HIKESHI: variants seen among roughly 807,000 people sequenced by gnomAD.
HIKESHI encodes the protein heat shock protein nuclear import factor hikeshi.
HIKESHI carries 13 observed loss-of-function variants against 25.7 expected under a neutral mutation model. That is an observed-to-expected ratio of 0.51 (90% CI 0.33 to 0.80). The LOEUF (loss-of-function observed/expected upper bound fraction) is 0.80. Ranked by LOEUF, HIKESHI falls within the 30% of genes least tolerant of loss-of-function variation. The pLI is 0.02. For missense variants in HIKESHI, 174 were observed against 229.5 expected (o/e 0.76, Z 1.56); for synonymous variants, 76 against 78.7 (o/e 0.97, Z 0.18).
At chr11:86,332,381 T>A (rs965586734) in intron 2 of HIKESHI, among the ~76,000 whole-genome samples, 1 of 152,144 alleles carries the variant, frequency 6.6e-6, no homozygotes, top group Non-Finnish European at 1.5e-5. Context: ...ATTAGAAGGA[T>A]TGGTACTTCA....
At chr11:86,332,142 T>G (rs1947443804) in intron 2 of HIKESHI, among the ~76,000 whole-genome samples, 1 of 152,048 alleles carries the variant, frequency 6.6e-6, no homozygotes, top group African/African-American at 2.4e-5. Flanking sequence ...TTTTTATTTT[T>G]TTTAGTAGAG....
chr11:86,309,340 C>G (rs953682296), intron 2 of HIKESHI, among the ~76,000 whole-genome samples: 1 of 152,062 alleles, frequency 6.6e-6, no homozygotes, highest in South Asian at 2.1e-4. Flanking sequence ...CATTTTTTCA[C>G]GTGTCTGTTG....
chr11:86,325,644 T>C (rs291223), intron 2 of HIKESHI, among the ~76,000 whole-genome samples: 93,999 of 151,048 alleles, frequency 0.62, 29,320 homozygotes, highest in East Asian at 0.79. Flanking sequence ...GAGGCCTAGG[T>C]GGGTGGATCA....
At chr11:86,337,719 G>A (rs190395616) in intron 3 of HIKESHI, among the ~76,000 whole-genome samples, 189 bp downstream of exon 3, 29 of 152,204 alleles carry the variant, frequency 1.9e-4, no homozygotes, top group Middle Eastern at 3.4e-3. Flanking sequence ...GTGCAGTGGC[G>A]CAATCTCGGC....
intron 2 of HIKESHI, among the ~76,000 whole-genome samples, chr11:86,328,619 T>G (rs1199217411): frequency 6.6e-6 from 1 of 152,034 alleles, no homozygotes; most frequent in Non-Finnish European, 1.5e-5. Flanking sequence ...AATTTTTGTC[T>G]TTTTAGTAGA....
chr11:86,321,702 G>T (rs548052745), intron 2 of HIKESHI, among the ~76,000 whole-genome samples: 20 of 152,094 alleles, frequency 1.3e-4, no homozygotes, highest in Admixed American at 4.6e-4. Context: ...GCTGATTTTT[G>T]TATTTTTAGT....
At chr11:86,326,045 C>T (rs868129712) in intron 2 of HIKESHI, among the ~76,000 whole-genome samples, 2 of 152,128 alleles carry the variant, frequency 1.3e-5, no homozygotes, top group African/African-American at 4.8e-5. Flanking sequence ...CGCCTGTAAT[C>T]CCAGCACTTT....
At position 86,313,932 on chromosome 11, in the gene HIKESHI, A is replaced by G. The variant is rs940269382; in HGVS notation, c.268+7450A>G. ...AGGCATAAGGTGAAAGTTCGAAAGC[A>G]TTGTGTCCTCAGATTGACATCAGGG... On this transcript the variant is annotated intron_variant, in intron 2 of 4. Coordinates refer to ENST00000278483, the MANE Select transcript of HIKESHI (RefSeq NM_016401.4). 2.6e-5 allele frequency among the ~76,000 whole-genome samples: 4 copies of G among 152,290 alleles called. No homozygotes were observed. The South Asian group carries it at 6.2e-4, about 24-fold the overall frequency.
intron 2 of HIKESHI, among the ~76,000 whole-genome samples, chr11:86,318,666 T>C (rs1947063786): frequency 6.6e-6 from 1 of 152,176 alleles, no homozygotes; most frequent in Non-Finnish European, 1.5e-5. Flanking sequence ...TTTTTATTAC[T>C]AGAAAATTCA....
In HIKESHI at chr11:86,318,303, C is replaced by CAAAAAAAAAAAAAAAAAAAAAAAAAAA. The variant is rs71040230; in HGVS notation, c.268+11841_268+11842insAAAAAAAAAAAAAAAAAAAAAAAAAAA. Among the ~76,000 whole-genome samples the CAAAAAAAAAAAAAAAAAAAAAAAAAAA allele has an allele frequency of 1.5e-3, 53 of 35,632 alleles. 1 individual carries two copies. The highest frequency in any genetic ancestry group is 1.7e-3 in the East Asian group (2 of 1,196). 23.4% of individuals were successfully genotyped at this position (35,632 alleles called of 152,430 possible). Reference sequence around the variant, plus strand: ...TGGGCGACAGAGCAAGACTCCGTCTCAAAAAAAAAAAAAAAAAAAATCCTG... The same window carrying CAAAAAAAAAAAAAAAAAAAAAAAAAAA: ...TGGGCGACAGAGCAAGACTCCGTCTCAAAAAAAAAAAAAAAAAAAAAAAAAAAAAAAAAAAAAAAAAAAAAAATCCTG... On this transcript the variant is annotated intron_variant, in intron 2 of 4. Transcript: ENST00000278483.
intron 2 of HIKESHI, among the ~76,000 whole-genome samples, chr11:86,334,650 G>A (rs535436572): frequency 2.0e-5 from 3 of 152,150 alleles, no homozygotes; most frequent in East Asian, 3.9e-4. Context: ...GAAATCAAAC[G>A]GTAGAGTAAG....
At chr11:86,319,661 C>G (rs1391881243) in intron 2 of HIKESHI, among the ~76,000 whole-genome samples, 1 of 152,056 alleles carries the variant, frequency 6.6e-6, no homozygotes, top group Non-Finnish European at 1.5e-5. Context: ...TACTTTTAAT[C>G]AACATCCATG....
At position 86,334,734 on chromosome 11, in the gene HIKESHI, G is replaced by A. The variant is rs1200005439; in HGVS notation, c.269-2645G>A. 2.6e-5 allele frequency among the ~76,000 whole-genome samples: 4 copies of A among 152,120 alleles called. No individual in the cohort carries two copies. The East Asian group carries it at 5.8e-4, about 22-fold the overall frequency. On this transcript the variant is annotated intron_variant, in intron 2 of 4. Coordinates refer to ENST00000278483, the MANE Select transcript of HIKESHI (RefSeq NM_016401.4). The stretch of plus-strand genomic sequence containing the variant: ...GAAGATCACAGCTCACTGTAGTCTC[G>A]ATCTCCTAGGCCTAAGCGATCCTCC...
In HIKESHI at chr11:86,318,303, C is replaced by CAAAAAAAAAAAAAA. The variant is rs71040230; in HGVS notation, c.268+11828_268+11841dup. Among the ~76,000 whole-genome samples, 50 of 35,670 alleles carry CAAAAAAAAAAAAAA rather than the reference C, an allele frequency of 1.4e-3. 3 individuals are homozygous for CAAAAAAAAAAAAAA. Among genetic ancestry groups the CAAAAAAAAAAAAAA allele is most frequent in the Middle Eastern group, 0.032 (2 of 62 alleles). The allele number at this position is 35,670 out of a possible 152,430, so 23.4% of individuals were successfully genotyped here. A position where few individuals can be genotyped will look rare whatever the true frequency, so the allele number is the denominator to read the frequency against. On this transcript the variant is annotated intron_variant, in intron 2 of 4. Coordinates refer to ENST00000278483, the MANE Select transcript of HIKESHI (RefSeq NM_016401.4). The stretch of plus-strand genomic sequence containing the variant: ...TGGGCGACAGAGCAAGACTCCGTCT[C>CAAAAAAAAAAAAAA]AAAAAAAAAAAAAAAAAAAATCCTG...
At chr11:86,320,763 C>G (rs291216) in intron 2 of HIKESHI, among the ~76,000 whole-genome samples, 107,737 of 152,096 alleles carry the variant, frequency 0.71, 38,513 homozygotes, top group East Asian at 0.82. Flanking sequence ...CTTCTCCACT[C>G]TAGGCAACTA....
intron 1 of HIKESHI, 60 bp downstream of exon 1, chr11:86,302,538 G>A: frequency 6.5e-7 from 1 of 1,529,734 alleles, no homozygotes; most frequent in African/African-American, 1.4e-5. Context: ...GAAGCCCTAC[G>A]GCAGGGAGGG....
At chr11:86,306,128 C>T (rs1197455545) in intron 1 of HIKESHI, 117 bp from the exon 2 acceptor site, 1 of 692,062 alleles carries the variant, frequency 1.4e-6, no homozygotes, top group East Asian at 2.5e-5. Context: ...ATTTAACATT[C>T]TATTTGGTAG....
intron 2 of HIKESHI, 78 bp downstream of exon 2, chr11:86,306,560 TC>T (rs1290116976): frequency 2.4e-6 from 2 of 833,204 alleles, no homozygotes; most frequent in Non-Finnish European, 3.7e-6. Context: ...ATATGACTTT[TC>T]CCCCTTTAGA....
In HIKESHI at chr11:86,302,491, C is replaced by G; in HGVS notation, c.30+13C>G. 2 of 1,557,286 alleles carry G rather than the reference C, an allele frequency of 1.3e-6. No homozygotes were observed. The highest frequency in any genetic ancestry group is 1.7e-6 in the Non-Finnish European group (2 of 1,150,372). ...GGCGGGGAGGCTGGTGAGGATGGGA[C>G]CGGGTGATATCAGGAAGGGGTCAGG... On this transcript the variant is annotated intron_variant, in intron 1 of 4. Transcript: ENST00000278483.
Sources: allele counts gnomAD v4.1 joint callset (sites outside exome capture counted in the v4.1 genomes callset), GRCh38; gene constraint gnomAD v4.1.1; transcripts MANE v1.5; gene names NCBI Gene and HGNC (gene_info 2026-07-23, HGNC 2026-07-21).